The following COL28A1 variants were observed in gnomAD, a reference collection of about 807,000 sequenced individuals.
COL28A1 encodes collagen type XXVIII alpha 1 chain.
A neutral mutation model predicts 150.2 loss-of-function variants in COL28A1; 161 were observed. The ratio of observed to expected loss-of-function variants is 1.07; its 90% CI spans 0.94 to 1.22. The LOEUF (loss-of-function observed/expected upper bound fraction) is 1.22, where lower values mean the gene tolerates loss of function less well. Ranked by LOEUF, COL28A1 falls within the 50% of genes most tolerant of loss-of-function variation. The pLI is 0.00. For missense variants in COL28A1, 1,617 were observed against 1,388.3 expected, an observed-to-expected ratio of 1.16 and a Z score of -2.62; for synonymous variants, 552 against 469.7, an observed-to-expected ratio of 1.18 and a Z score of -2.26.
rs10248524 is a variant in COL28A1, at chr7:7,522,189, C to A, written c.703-228G>T. 4.3e-3 allele frequency: 2,391 copies of A among 562,028 alleles called. 41 individuals are homozygous for A. The highest frequency in any genetic ancestry group is 0.04 in the African/African-American group (2,153 of 53,254). 34.8% of individuals were successfully genotyped at this position (562,028 alleles called of 1,614,324 possible). On this transcript the variant is annotated intron_variant, in intron 4 of 34. Coordinates refer to ENST00000399429, the MANE Select transcript of COL28A1 (RefSeq NM_001037763.3). Reference sequence around the variant, plus strand: ...TTAAATTATTCCAGGCAAATTTATACCTACCAAGAGCTAGCTAACAAAATA... The same window carrying A: ...TTAAATTATTCCAGGCAAATTTATAACTACCAAGAGCTAGCTAACAAAATA...
In COL28A1 at chr7:7,460,218, C is replaced by T. The variant is rs78915006; in HGVS notation, c.1303-4106G>A. Among the ~76,000 whole-genome samples the T allele has an allele frequency of 7.1e-3, 1,083 of 152,284 alleles. 12 individuals carry two copies. Among genetic ancestry groups the T allele is most frequent in the African/African-American group, 0.025 (1,030 of 41,560 alleles). ...CTTCCTTCCTTCAGAGTCAACAAGC[C>T]TTGCTAAAACTCTGGATGGATTCCT... On this transcript the variant is annotated intron_variant, in intron 15 of 34. Transcript: ENST00000399429.
At chr7:7,384,761 C>G (rs1782083414) in intron 27 of COL28A1, among the ~76,000 whole-genome samples, 1 of 152,060 alleles carries the variant, frequency 6.6e-6, no homozygotes, top group South Asian at 2.1e-4. Context: ...GCCCCAGAAC[C>G]CTGGATAGGA....
chr7:7,439,176 T>C (rs1277476626), intron 21 of COL28A1, among the ~76,000 whole-genome samples: 1 of 152,160 alleles, frequency 6.6e-6, no homozygotes, highest in East Asian at 1.9e-4. Flanking sequence ...CAGTGATGAC[T>C]CCTGCCCAGG....
the COL28A1 span, among the ~76,000 whole-genome samples, chr7:7,345,549 C>T: frequency 0.9 from 137,353 of 151,992 alleles, 62,184 homozygotes; most frequent in East Asian, 1. Flanking sequence ...AAAATAATTA[C>T]CTTCAGTTTT....
chr7:7,480,033 C>T (rs1789260507), intron 13 of COL28A1, among the ~76,000 whole-genome samples: 1 of 152,166 alleles, frequency 6.6e-6, no homozygotes, highest in Non-Finnish European at 1.5e-5. Context: ...TGCCAACTTT[C>T]CTGCAAGTTC....
intron 2 of COL28A1, among the ~76,000 whole-genome samples, chr7:7,532,290 G>C (rs1782409781): frequency 6.6e-6 from 1 of 152,038 alleles, no homozygotes; most frequent in Admixed American, 6.6e-5. Flanking sequence ...ATATTGGTGA[G>C]TCCCTATTTT....
intron 27 of COL28A1, among the ~76,000 whole-genome samples, chr7:7,389,008 C>A (rs534131461): frequency 6.6e-6 from 1 of 152,262 alleles, no homozygotes; most frequent in South Asian, 2.1e-4. Flanking sequence ...TATTAGATCC[C>A]ATTTGTCAAT....
At chr7:7,367,692 C>T (rs1453357909) in intron 33 of COL28A1, among the ~76,000 whole-genome samples, 1 of 152,044 alleles carries the variant, frequency 6.6e-6, no homozygotes, top group Non-Finnish European at 1.5e-5. Flanking sequence ...GGCCATCAGG[C>T]TTCCTGGGAT....
intron 27 of COL28A1, among the ~76,000 whole-genome samples, chr7:7,416,790 G>C (rs1223755406): frequency 1.3e-5 from 2 of 152,150 alleles, no homozygotes; most frequent in African/African-American, 4.8e-5. Flanking sequence ...TTCTGCTCTT[G>C]ACTAAGCTTA....
At chr7:7,402,383 A>G (rs765334892) in intron 27 of COL28A1, among the ~76,000 whole-genome samples, 4 of 152,330 alleles carry the variant, frequency 2.6e-5, no homozygotes, top group Non-Finnish European at 4.4e-5. Context: ...TATGGATTCA[A>G]TCTTACTAGT....
At chr7:7,418,473 T>A (rs959956554) in intron 26 of COL28A1, among the ~76,000 whole-genome samples, 1 of 152,176 alleles carries the variant, frequency 6.6e-6, no homozygotes. Flanking sequence ...TTGGAAACAC[T>A]TCGTGGTGGA....
chr7:7,339,173 A>G, the COL28A1 span, among the ~76,000 whole-genome samples: 1 of 152,174 alleles, frequency 6.6e-6, no homozygotes, highest in Admixed American at 6.5e-5. Flanking sequence ...GCCATTTGTT[A>G]TACAGCAATA....
the COL28A1 span, among the ~76,000 whole-genome samples, chr7:7,347,536 C>A: frequency 6.6e-6 from 1 of 152,136 alleles, no homozygotes; most frequent in Non-Finnish European, 1.5e-5. Flanking sequence ...TTTCTCTCAG[C>A]CCAACTTCAC....
chr7:7,455,316 A>G (rs896293902), intron 16 of COL28A1, among the ~76,000 whole-genome samples: 1 of 152,236 alleles, frequency 6.6e-6, no homozygotes, highest in Admixed American at 6.5e-5. Context: ...AACAAAGTAT[A>G]TGGTAAACAA....
the COL28A1 span, among the ~76,000 whole-genome samples, chr7:7,349,647 T>C: frequency 1.0e-3 from 159 of 152,242 alleles, no homozygotes; most frequent in African/African-American, 3.8e-3. Flanking sequence ...GGAAACTCTC[T>C]CAAAGCAGTA....
At chr7:7,508,892 G>C (rs1485235106) in intron 9 of COL28A1, among the ~76,000 whole-genome samples, 2 of 151,960 alleles carry the variant, frequency 1.3e-5, no homozygotes, top group Non-Finnish European at 2.9e-5. Context: ...GGAGTGCAAT[G>C]GCACAATCTC....
intron 16 of COL28A1, among the ~76,000 whole-genome samples, chr7:7,454,936 T>C (rs1469092862): frequency 6.6e-6 from 1 of 152,216 alleles, no homozygotes; most frequent in South Asian, 2.1e-4. Flanking sequence ...CCTAATGTGT[T>C]AGACTAGGAC....
At chr7:7,513,184 T>C (rs1300542121) in intron 8 of COL28A1, among the ~76,000 whole-genome samples, 4 of 152,218 alleles carry the variant, frequency 2.6e-5, no homozygotes, top group African/African-American at 9.6e-5. Flanking sequence ...GTGTGTGCCA[T>C]AGCCTTTACA....
intron 27 of COL28A1, among the ~76,000 whole-genome samples, chr7:7,415,699 A>G (rs1165670335): frequency 6.6e-6 from 1 of 151,810 alleles, no homozygotes; most frequent in Non-Finnish European, 1.5e-5. Flanking sequence ...ATGCCTGGCT[A>G]ATTTTTGTAT....
Sources: allele counts gnomAD v4.1 joint callset (sites outside exome capture counted in the v4.1 genomes callset), GRCh38; gene constraint gnomAD v4.1.1; transcripts MANE v1.5; gene names NCBI Gene and HGNC (gene_info 2026-07-23, HGNC 2026-07-21).